The following SMARCD2 variants were observed in gnomAD, a reference collection of about 807,000 sequenced individuals.
SMARCD2 encodes SWI/SNF-related matrix-associated actin-dependent regulator of chromatin subfamily D member 2.
SMARCD2 carries 39 observed loss-of-function variants against 70.4 expected under a neutral mutation model. The ratio of observed to expected loss-of-function variants is 0.55; its 90% CI spans 0.43 to 0.72. The LOEUF is 0.72. Ranked by LOEUF, SMARCD2 falls within the 30% of genes least tolerant of loss-of-function variation. The probability of loss-of-function intolerance (pLI) is 0.00; values close to 1 mark genes in which losing one functional copy is unlikely to be tolerated. For missense variants in SMARCD2, 540 were observed against 713.4 expected (o/e 0.76, Z 2.77); for synonymous variants, 249 against 279.4 (o/e 0.89, Z 1.08).
Position 63,842,305 on chromosome 17 carries a change from C to A in SMARCD2, c.216+154G>T, listed in dbSNP as rs1399211542. On this transcript the variant is annotated intron_variant, in intron 1 of 12. Coordinates refer to ENST00000448276, the MANE Select transcript of SMARCD2 (RefSeq NM_001098426.2). ...TCCCCTTCCCACTTCTCCACCGCGA[C>A]CCGCCGCAGCCCGAGGGTCCCGGCC... 5 of 1,137,484 alleles carry A rather than the reference C, an allele frequency of 4.4e-6. 1 individual carries two copies. Among genetic ancestry groups the A allele is most frequent in the Non-Finnish European group, 3.2e-6 (3 of 924,652 alleles). The allele number at this position is 1,137,484 out of a possible 1,614,324, so 70.5% of individuals were successfully genotyped here.
chr17:63,832,403 AC>A lies in SMARCD2; in HGVS notation c.*534del, dbSNP rs1267990330. ...CAGGCTCCCTGAAAACCCCCAACTT[AC>A]CCCTGTACAAAAAAAGTGGCTCCCA... On this transcript the variant is annotated 3_prime_UTR_variant, in exon 13 of 13. Transcript: ENST00000448276. The A allele has an allele frequency of 1.5e-5, 3 of 206,162 alleles. No homozygotes were observed. Among genetic ancestry groups the A allele is most frequent in the African/African-American group, 7.0e-5 (3 of 42,622 alleles). 12.8% of individuals were successfully genotyped at this position (206,162 alleles called of 1,614,324 possible). A position where few individuals can be genotyped will look rare whatever the true frequency, so the allele number is the denominator to read the frequency against.
chr17:63,832,108 T>C lies in SMARCD2; in HGVS notation c.*830A>G, dbSNP rs1317451412. 1 of 928,528 alleles carries C rather than the reference T, an allele frequency of 1.1e-6. No homozygotes were observed. Among genetic ancestry groups the C allele is most frequent in the Admixed American group, 2.2e-5 (1 of 45,172 alleles). The allele number at this position is 928,528 out of a possible 1,614,324, so 57.5% of individuals were successfully genotyped here. On this transcript the variant is annotated 3_prime_UTR_variant, in exon 13 of 13. Transcript: ENST00000448276. ...ATAGACAAAAGGATTTATTTGGAAATTTCCAAACCTGCCAGATGTGGCACT... is the reference window on the plus strand; with the variant it reads ...ATAGACAAAAGGATTTATTTGGAAACTTCCAAACCTGCCAGATGTGGCACT...
At chr17:63,838,447 C>G (rs1209705238) in intron 1 of SMARCD2, among the ~76,000 whole-genome samples, 2 of 152,150 alleles carry the variant, frequency 1.3e-5, no homozygotes. Context: ...CAGGCACCAC[C>G]TGGCAGCCAG....
chr17:63,839,701 C>T (rs559679208), intron 1 of SMARCD2, among the ~76,000 whole-genome samples: 26 of 152,284 alleles, frequency 1.7e-4, no homozygotes, highest in Admixed American at 3.3e-4. Flanking sequence ...GGATCAATCC[C>T]CTGAACCCCA....
rs1345251012 is a variant in SMARCD2 at position 63,834,606 on chromosome 17, A to G, written c.820-31T>C. Reference sequence around the variant, plus strand: ...AGGGAGGGAAGCATGGCTTATCACCAAGGGGGTGGGCGTGAACACAGGGCC... The same window carrying G: ...AGGGAGGGAAGCATGGCTTATCACCGAGGGGGTGGGCGTGAACACAGGGCC... On this transcript the variant is annotated intron_variant, in intron 6 of 12. Transcript: ENST00000448276. This position sits in a 1 kb window ranked among gnomAD's most constrained non-coding sequence, Gnocchi z 5.6. 5 of 1,579,478 alleles carry G rather than the reference A, an allele frequency of 3.2e-6. No homozygotes were observed. Among genetic ancestry groups the G allele is most frequent in the Non-Finnish European group, 4.3e-6 (5 of 1,151,878 alleles).
At position 63,834,036 on chromosome 17, in the gene SMARCD2, G is replaced by C. The variant is rs2040232232; in HGVS notation, c.1084-30C>G. On this transcript the variant is annotated intron_variant, in intron 8 of 12. Coordinates refer to ENST00000448276, the MANE Select transcript of SMARCD2 (RefSeq NM_001098426.2). The surrounding 1 kb of genome is among the most constrained non-coding windows in gnomAD (Gnocchi z 5.6). ...AGGAAATACGAAAGGCTCAGCGTTG[G>C]CTTGTGGGCACAGTGGAGTGGACCA... 6.2e-6 allele frequency: 10 copies of C among 1,602,782 alleles called. No individual in the cohort carries two copies. In the East Asian group the frequency reaches 2.2e-4, roughly 36 times the overall value.
chr17:63,842,143 A>C (rs896963868), intron 1 of SMARCD2, among the ~76,000 whole-genome samples: 2 of 149,600 alleles, frequency 1.3e-5, no homozygotes, highest in Non-Finnish European at 3.0e-5. Flanking sequence ...CAGCCCTCCT[A>C]CCCTAGACTT....
At chr17:63,841,219 T>A (rs1446482106) in intron 1 of SMARCD2, among the ~76,000 whole-genome samples, 1 of 152,100 alleles carries the variant, frequency 6.6e-6, no homozygotes, top group Non-Finnish European at 1.5e-5. Context: ...GACTCTCTTT[T>A]CTCTTGAGAA....
At position 63,832,906 on chromosome 17, in the gene SMARCD2, C is replaced by T; in HGVS notation, c.*32G>A. Reference sequence around the variant, plus strand: ...ACCCAGAGGGTGGTCTCCCTCCAGGCTCCAGGGCTGGGAAGAAAGATCCCT... The same window carrying T: ...ACCCAGAGGGTGGTCTCCCTCCAGGTTCCAGGGCTGGGAAGAAAGATCCCT... On this transcript the variant is annotated 3_prime_UTR_variant, in exon 13 of 13. Transcript: ENST00000448276. The T allele has an allele frequency of 6.5e-7, 1 of 1,550,098 alleles. No individual in the cohort carries two copies. The highest frequency in any genetic ancestry group is 2.4e-5 in the East Asian group (1 of 41,004).
chr17:63,835,394 C>T lies in SMARCD2; in HGVS notation c.723+18G>A. On this transcript the variant is annotated intron_variant, in intron 5 of 12. Transcript: ENST00000448276. The stretch of plus-strand genomic sequence containing the variant: ...CACACAGGCCTCCTTCCCTCCAGAA[C>T]CTCCCTCCCCAACTCACATCATCCA... 6.2e-7 allele frequency: 1 copy of T among 1,607,708 alleles called. No homozygotes were observed. The highest frequency in any genetic ancestry group is 8.5e-7 in the Non-Finnish European group (1 of 1,176,500).
rs1334439187 is a variant in SMARCD2, at chr17:63,833,532, G to A, written c.1317+55C>T. 1 of 1,612,482 alleles carries A rather than the reference G, an allele frequency of 6.2e-7. No individual in the cohort carries two copies. The highest frequency in any genetic ancestry group is 8.5e-7 in the Non-Finnish European group (1 of 1,178,900). The stretch of plus-strand genomic sequence containing the variant: ...TACATGTATGGAAATGCTGGACAGA[G>A]CCAGCCCACCCCAATCCTGGGCCCC... On this transcript the variant is annotated intron_variant, in intron 10 of 12. Coordinates refer to ENST00000448276, the MANE Select transcript of SMARCD2 (RefSeq NM_001098426.2). The surrounding 1 kb of genome is among the most constrained non-coding windows in gnomAD (Gnocchi z 4.3).
rs894195875 is a variant in SMARCD2, at chr17:63,837,734, C to T, written c.217-109G>A. 1.3e-5 allele frequency: 11 copies of T among 843,904 alleles called. No homozygotes were observed. Among genetic ancestry groups the T allele is most frequent in the Non-Finnish European group, 1.8e-5 (10 of 545,614 alleles). The allele number at this position is 843,904 out of a possible 1,614,324, so 52.3% of individuals were successfully genotyped here. A position where few individuals can be genotyped will look rare whatever the true frequency, so the allele number is the denominator to read the frequency against. On this transcript the variant is annotated intron_variant, in intron 1 of 12. Coordinates refer to ENST00000448276, the MANE Select transcript of SMARCD2 (RefSeq NM_001098426.2). This position sits in a 1 kb window ranked among gnomAD's most constrained non-coding sequence, Gnocchi z 6.4. Reference sequence around the variant, plus strand: ...TCAGCCAGGTAGGGCCTGAGCAGCACACCAGAGCCCTGCTGGAGCCCCAGG... The same window carrying T: ...TCAGCCAGGTAGGGCCTGAGCAGCATACCAGAGCCCTGCTGGAGCCCCAGG...
intron 5 of SMARCD2, 113 bp downstream of exon 5, chr17:63,835,299 T>C: frequency 8.5e-7 from 1 of 1,170,848 alleles, no homozygotes; most frequent in Non-Finnish European, 1.2e-6. Flanking sequence ...ATTTTTAAAT[T>C]TTTTGTAGAG....
chr17:63,839,289 G>A (rs1247192324), intron 1 of SMARCD2: 4 of 970,210 alleles, frequency 4.1e-6, no homozygotes, highest in Non-Finnish European at 4.9e-6. Context: ...GGTGAGCGAG[G>A]GCCCTGTGGT....
In SMARCD2 at chr17:63,833,879, G is replaced by T; in HGVS notation, c.1181+30C>A. 1.3e-6 allele frequency: 2 copies of T among 1,563,442 alleles called. No individual in the cohort carries two copies. Among genetic ancestry groups the T allele is most frequent in the East Asian group, 2.2e-5 (1 of 44,548 alleles). On this transcript the variant is annotated intron_variant, in intron 9 of 12. Transcript: ENST00000448276. This position sits in a 1 kb window ranked among gnomAD's most constrained non-coding sequence, Gnocchi z 4.3. ...GCCAAGGGTGAATCTGCTCTTAGAA[G>T]AGCCTTCCTGTCCCCCTCCTTGCAT... is the stretch of plus-strand genomic sequence containing the variant.
rs377674388 is a variant in SMARCD2, at chr17:63,836,989, C to T, written c.500G>A (p.Arg167Gln). The part of the protein sequence containing the change: ...QAYMDLLAFE[R>Q]KLDQTIARKR... ...GCGAGCAATGGTCTGGTCCAGCTTCCGCTCAAAAGCCAAGAGATCCATGTA... is the reference window on the plus strand; with the variant it reads ...GCGAGCAATGGTCTGGTCCAGCTTCTGCTCAAAAGCCAAGAGATCCATGTA... Residue 167 changes from arginine to glutamine, a missense_variant, in exon 4 of 13, where the codon CGG becomes CAG. By Grantham distance (43) the Arg-to-Gln change is conservative (BLOSUM62 1). Transcript: ENST00000448276. The T allele has an allele frequency of 3.7e-6, 6 of 1,613,804 alleles. No individual in the cohort carries two copies. The highest frequency in any genetic ancestry group is 1.3e-5 in the African/African-American group (1 of 74,922).
chr17:63,834,689 C>G lies in SMARCD2; in HGVS notation c.819+16G>C, dbSNP rs1274366283. The G allele has an allele frequency of 6.2e-7, 1 of 1,604,044 alleles. No individual in the cohort carries two copies. Among genetic ancestry groups the G allele is most frequent in the Non-Finnish European group, 8.5e-7 (1 of 1,170,830 alleles). On this transcript the variant is annotated intron_variant, in intron 6 of 12. Coordinates refer to ENST00000448276, the MANE Select transcript of SMARCD2 (RefSeq NM_001098426.2). The surrounding 1 kb of genome is among the most constrained non-coding windows in gnomAD (Gnocchi z 5.6). The stretch of plus-strand genomic sequence containing the variant: ...ACCTGCACATCAGCCTGCTTTTGCC[C>G]CAGGCCCACTCTCACCTCCACCAGG...
chr17:63,833,576 A>G lies in SMARCD2; in HGVS notation c.1317+11T>C. The G allele has an allele frequency of 1.2e-6, 2 of 1,613,986 alleles. No individual in the cohort carries two copies. Among genetic ancestry groups the G allele is most frequent in the South Asian group, 2.2e-5 (2 of 91,084 alleles). ...GGGCCCCAGAGGAAGCTGTGGAGCCAGAGGGCCCACCTTGACATCAAGGGA... is the reference window on the plus strand; with the variant it reads ...GGGCCCCAGAGGAAGCTGTGGAGCCGGAGGGCCCACCTTGACATCAAGGGA... On this transcript the variant is annotated intron_variant, in intron 10 of 12. Coordinates refer to ENST00000448276, the MANE Select transcript of SMARCD2 (RefSeq NM_001098426.2). The surrounding 1 kb of genome is among the most constrained non-coding windows in gnomAD (Gnocchi z 4.3).
At chr17:63,836,381 C>G (rs765711303) in intron 4 of SMARCD2, among the ~76,000 whole-genome samples, 1 of 151,254 alleles carries the variant, frequency 6.6e-6, no homozygotes, top group Non-Finnish European at 1.5e-5. Flanking sequence ...ATCTGTAATC[C>G]TAGTTACTCG....
Sources: gnomAD v4.1 joint callset for allele counts (sites outside exome capture counted in the v4.1 genomes callset) on GRCh38, gnomAD v4.1.1 for gene constraint, Gnocchi (gnomAD v3.1) non-coding constraint, MANE v1.5 for transcripts, NCBI Gene and HGNC (gene_info 2026-07-23, HGNC 2026-07-21) for gene names.